Variants in PCDHGA10 observed in about 807,000 individuals in gnomAD.
The protein encoded by PCDHGA10 is protocadherin gamma subfamily A, 10, also known as protocadherin gamma-A10.
PCDHGA10 carries 42 observed loss-of-function variants against 59.5 expected under a neutral mutation model. The ratio of observed to expected loss-of-function variants is 0.71; its 90% confidence interval spans 0.55 to 0.91. The LOEUF (loss-of-function observed/expected upper bound fraction) is 0.91, where lower values mean the gene tolerates loss of function less well. PCDHGA10 is among the 40% of genes least tolerant of loss of function. The probability of loss-of-function intolerance (pLI) is 0.00; values close to 1 mark genes in which losing one functional copy is unlikely to be tolerated. For missense variants in PCDHGA10, 1,111 were observed against 1,198.2 expected (o/e 0.93, Z 1.07); for synonymous variants, 511 against 517.2 (o/e 0.99, Z 0.16).
chr5:141,413,531 A>G lies in PCDHGA10; in HGVS notation c.356A>G (p.Lys119Arg), dbSNP rs1472068242. Residue 119 changes from lysine to arginine, a missense_variant, in exon 1 of 4, where the codon AAA becomes AGA. Lys to Arg is a conservative substitution (Grantham distance 26, BLOSUM62 2). Transcript: ENST00000398610. ...SFNILVEDRVKLFGIEIEVTD... is the reference protein window; with the variant it reads ...SFNILVEDRVRLFGIEIEVTD... ...AATATCCTTGTGGAAGACAGGGTGA[A>G]ACTTTTTGGGATAGAAATAGAAGTA... 6 of 1,613,818 alleles carry G rather than the reference A, an allele frequency of 3.7e-6. No homozygotes were observed. The highest frequency in any genetic ancestry group is 5.1e-6 in the Non-Finnish European group (6 of 1,179,918).
In PCDHGA10 at chr5:141,489,126, T is replaced by C; in HGVS notation, c.2437-5681T>C. ...TGCAAGCAGGCAAACCTCCGAGCAG[T>C]TTTTAAGAGGCTGGAAGGAGACATA... On this transcript the variant is annotated intron_variant, in intron 1 of 3. Coordinates refer to ENST00000398610, the MANE Select transcript of PCDHGA10 (RefSeq NM_018913.3). This position sits in a 1 kb window ranked among gnomAD's most constrained non-coding sequence, Gnocchi z 4.5. 1.7e-6 allele frequency: 1 copy of C among 585,136 alleles called. No individual in the cohort carries two copies. Among genetic ancestry groups the C allele is most frequent in the South Asian group, 3.2e-5 (1 of 31,406 alleles). The allele number at this position is 585,136 out of a possible 1,614,324, so 36.2% of individuals were successfully genotyped here. A position where few individuals can be genotyped will look rare whatever the true frequency, so the allele number is the denominator to read the frequency against.
chr5:141,433,812 G>A (rs535623556), intron 1 of PCDHGA10, among the ~76,000 whole-genome samples: 46 of 150,530 alleles, frequency 3.1e-4, no homozygotes, highest in African/African-American at 1.1e-3. Context: ...ACTCCAGCCT[G>A]GGCAACAAGA....
chr5:141,495,032 G>T, intron 2 of PCDHGA10, 167 bp downstream of exon 2: 1 of 967,732 alleles, frequency 1.0e-6, no homozygotes, highest in Non-Finnish European at 1.2e-6. Flanking sequence ...GACCCCGGAA[G>T]GAAGAGGCGA....
intron 1 of PCDHGA10, chr5:141,478,608 G>C (rs751033009): frequency 7.7e-6 from 12 of 1,558,942 alleles, no homozygotes; most frequent in Middle Eastern, 1.7e-4. Context: ...ATCATATTGA[G>C]GAAGGAATGG....
At chr5:141,501,328 CA>C (rs1446948770) in intron 2 of PCDHGA10, among the ~76,000 whole-genome samples, 83 of 151,828 alleles carry the variant, frequency 5.5e-4, no homozygotes, top group Admixed American at 2.2e-3. Context: ...CACACACACA[CA>C]CACACCCCAA....
rs1562137380 is a variant in PCDHGA10, at chr5:141,490,297, G to T, written c.2437-4510G>T. On this transcript the variant is annotated intron_variant, in intron 1 of 3. Coordinates refer to ENST00000398610, the MANE Select transcript of PCDHGA10 (RefSeq NM_018913.3). This position sits in a 1 kb window ranked among gnomAD's most constrained non-coding sequence, Gnocchi z 5.4. The stretch of plus-strand genomic sequence containing the variant: ...TGACAATGCCCCAGAGGTGCTATTG[G>T]CCTCTTTGGCCAACCCTGTCCTAGA... 2 of 1,614,202 alleles carry T rather than the reference G, an allele frequency of 1.2e-6. No individual in the cohort carries two copies. Among genetic ancestry groups the T allele is most frequent in the South Asian group, 1.1e-5 (1 of 91,086 alleles).
chr5:141,439,455 C>T (rs62379163), intron 1 of PCDHGA10, among the ~76,000 whole-genome samples: 5,115 of 152,308 alleles, frequency 0.034, 100 homozygotes, highest in Middle Eastern at 0.088. Context: ...GGGAGCAAGA[C>T]TGCACTGCTG....
chr5:141,485,607 C>T lies in PCDHGA10; in HGVS notation c.2437-9200C>T. On this transcript the variant is annotated intron_variant, in intron 1 of 3. Coordinates refer to ENST00000398610, the MANE Select transcript of PCDHGA10 (RefSeq NM_018913.3). The surrounding 1 kb of genome is among the most constrained non-coding windows in gnomAD (Gnocchi z 5.7). ...CAGCTGGACTTGGAAATTGGGGAGG[C>T]AGCTCCTCCAGGACAGCGTTTCCCG... is the stretch of plus-strand genomic sequence containing the variant. 1 of 1,612,008 alleles carries T rather than the reference C, an allele frequency of 6.2e-7. No individual in the cohort carries two copies. The highest frequency in any genetic ancestry group is 8.5e-7 in the Non-Finnish European group (1 of 1,178,534).
intron 1 of PCDHGA10, among the ~76,000 whole-genome samples, chr5:141,456,907 G>A (rs1430292511): frequency 6.6e-6 from 1 of 152,108 alleles, no homozygotes; most frequent in Non-Finnish European, 1.5e-5. Flanking sequence ...AGGTTGCAGT[G>A]AGCCGAGATC....
chr5:141,422,243 T>C, intron 1 of PCDHGA10: 12 of 1,566,082 alleles, frequency 7.7e-6, no homozygotes, highest in Non-Finnish European at 1.0e-5. Flanking sequence ...ATCACTGTTG[T>C]GGATGTGAAT....
chr5:141,489,428 G>C lies in PCDHGA10; in HGVS notation c.2437-5379G>C, dbSNP rs561792279. The C allele has an allele frequency of 1.2e-6, 2 of 1,613,994 alleles. No individual in the cohort carries two copies. Among genetic ancestry groups the C allele is most frequent in the Non-Finnish European group, 1.7e-6 (2 of 1,180,038 alleles). On this transcript the variant is annotated intron_variant, in intron 1 of 3. Coordinates refer to ENST00000398610, the MANE Select transcript of PCDHGA10 (RefSeq NM_018913.3). This position sits in a 1 kb window ranked among gnomAD's most constrained non-coding sequence, Gnocchi z 4.5. The stretch of plus-strand genomic sequence containing the variant: ...AAGATGACAGATCTGTTGAGCCGGC[G>C]GCTGCAATTGGGCTCTGAGGAGAAT...
chr5:141,436,080 T>C (rs755968267), intron 1 of PCDHGA10, among the ~76,000 whole-genome samples: 1 of 152,204 alleles, frequency 6.6e-6, no homozygotes, highest in Admixed American at 6.5e-5. Context: ...CAGTGTTCTA[T>C]AGGTAATATT....
intron 1 of PCDHGA10, among the ~76,000 whole-genome samples, chr5:141,453,288 ATTATTTAT>A (rs577328880): frequency 6.6e-6 from 1 of 151,342 alleles, no homozygotes; most frequent in Non-Finnish European, 1.5e-5. Context: ...TAATTTTTTA[ATTATTTAT>A]TTATTTATTT....
chr5:141,436,813 G>A (rs537103294), intron 1 of PCDHGA10, among the ~76,000 whole-genome samples: 91 of 152,320 alleles, frequency 6.0e-4, no homozygotes, highest in Non-Finnish European at 1.1e-3. Flanking sequence ...TGTGACAGCT[G>A]GTTTAAAAAT....
chr5:141,495,041 G>A, intron 2 of PCDHGA10, 176 bp downstream of exon 2: 1 of 942,350 alleles, frequency 1.1e-6, no homozygotes, highest in Non-Finnish European at 1.3e-6. Flanking sequence ...AGGAAGAGGC[G>A]ACTGCCCTGA....
chr5:141,475,947 C>A, intron 1 of PCDHGA10: 1 of 748,120 alleles, frequency 1.3e-6, no homozygotes, highest in Non-Finnish European at 2.1e-6. Context: ...CGTCCCCTTT[C>A]TGCGCCCCGG....
intron 1 of PCDHGA10, chr5:141,478,367 C>T (rs2099451272): frequency 1.2e-6 from 2 of 1,613,750 alleles, no homozygotes; most frequent in South Asian, 2.2e-5. Context: ...GCGGGGAGGC[C>T]TGATGTCGCC....
Position 141,414,464 on chromosome 5 carries a change from A to G in PCDHGA10, c.1289A>G (p.Asp430Gly), listed in dbSNP as rs1331771342. The G allele has an allele frequency of 1.2e-6, 2 of 1,613,904 alleles. No homozygotes were observed. The highest frequency in any genetic ancestry group is 1.3e-5 in the African/African-American group (1 of 75,050). Reference protein sequence around the residue: ...SSYNITVTATDGGSPPLSTEA... With the variant: ...SSYNITVTATGGGSPPLSTEA... ...TACAATATCACAGTGACAGCCACAG[A>G]TGGGGGAAGTCCTCCTCTATCAACG... The change falls in exon 1 of 4, where the codon GAT (aspartate) becomes GGT (glycine). Residue 430 changes from aspartate (D) to glycine (G), a missense_variant. Physicochemically the swap from Asp to Gly is moderately conservative, Grantham distance 94. Transcript: ENST00000398610.
Position 141,490,503 on chromosome 5 carries a change from C to A in PCDHGA10, c.2437-4304C>A, listed in dbSNP as rs2099701103. On this transcript the variant is annotated intron_variant, in intron 1 of 3. Coordinates refer to ENST00000398610, the MANE Select transcript of PCDHGA10 (RefSeq NM_018913.3). The surrounding 1 kb of genome is among the most constrained non-coding windows in gnomAD (Gnocchi z 5.4). ...ACCGGGAGGCCACATCCCACTATAT[C>A]ATCGAGCTGCTGGCCAGCGATGCTG... 3.7e-6 allele frequency: 6 copies of A among 1,614,206 alleles called. No individual in the cohort carries two copies. In the African/African-American group the frequency reaches 8.0e-5, roughly 22 times the overall value.
Sources: gnomAD v4.1 joint callset for allele counts (sites outside exome capture counted in the v4.1 genomes callset) on GRCh38, gnomAD v4.1.1 for gene constraint, Gnocchi (gnomAD v3.1) non-coding constraint, MANE v1.5 for transcripts, NCBI Gene and HGNC (gene_info 2026-07-23, HGNC 2026-07-21) for gene names.